SLC25A13: variants seen among roughly 807,000 people sequenced by gnomAD.
The protein encoded by SLC25A13 is solute carrier family 25 member 13, also known as electrogenic aspartate/glutamate antiporter SLC25A13, mitochondrial.
A neutral mutation model predicts 85.5 loss-of-function variants in SLC25A13; 70 were observed. The observed-to-expected ratio is 0.82, with a 90% CI of 0.68 to 1.00. The LOEUF is 1.00. Ranked by LOEUF, SLC25A13 falls within the 50% of genes least tolerant of loss-of-function variation. The probability of loss-of-function intolerance (pLI) is 0.00; values close to 1 mark genes in which losing one functional copy is unlikely to be tolerated. For synonymous variants in SLC25A13, 259 were observed against 288.7 expected (o/e 0.90, Z 1.04); for missense variants, 765 against 819.8 (o/e 0.93, Z 0.82).
At chr7:96,317,032 C>T (rs760757898) in intron 1 of SLC25A13, among the ~76,000 whole-genome samples, 2 of 152,066 alleles carry the variant, frequency 1.3e-5, no homozygotes, top group African/African-American at 2.4e-5. Context: ...TGCAATGGCA[C>T]GACGTCAGCT....
At chr7:96,294,611 A>G (rs1210554356) in intron 2 of SLC25A13, among the ~76,000 whole-genome samples, 1 of 27,190 alleles carries the variant, frequency 3.7e-5, no homozygotes, top group Admixed American at 4.7e-4. Context: ...TCTGTCTCAG[A>G]AAAAAAAAAA....
intron 13 of SLC25A13, among the ~76,000 whole-genome samples, chr7:96,158,461 T>C (rs1000451116): frequency 3.3e-5 from 5 of 152,306 alleles, no homozygotes; most frequent in African/African-American, 9.6e-5. Flanking sequence ...CCTCCTTTAA[T>C]TTGAATTCAC....
chr7:96,186,061 T>C (rs969125448), intron 9 of SLC25A13, among the ~76,000 whole-genome samples: 4 of 152,100 alleles, frequency 2.6e-5, no homozygotes, highest in Non-Finnish European at 4.4e-5. Flanking sequence ...CTTCTGAAAT[T>C]TGCCATTAAA....
intron 3 of SLC25A13, among the ~76,000 whole-genome samples, chr7:96,239,267 C>G (rs973566770): frequency 2.7e-5 from 4 of 149,346 alleles, no homozygotes; most frequent in Non-Finnish European, 1.5e-5. Context: ...TTATTGTTCA[C>G]CAAGATCATT....
At chr7:96,214,426 T>C (rs1444304788) in intron 4 of SLC25A13, among the ~76,000 whole-genome samples, 3 of 152,072 alleles carry the variant, frequency 2.0e-5, no homozygotes, top group African/African-American at 7.2e-5. Context: ...AATCCAAAAA[T>C]GAAATTTAAA....
rs73710268 is a variant in SLC25A13, at chr7:96,277,126, T to G, written c.212+70A>C. ...GGAAGGTATACATTTAATGACTTCC[T>G]GGTCATTAGAGCAAAAGAAAGCTGT... On this transcript the variant is annotated intron_variant, in intron 3 of 17. Coordinates refer to ENST00000265631, the MANE Select transcript of SLC25A13 (RefSeq NM_014251.3). 2.7e-5 allele frequency: 39 copies of G among 1,450,450 alleles called. No individual in the cohort carries two copies. The East Asian group carries it at 9.3e-4, about 34-fold the overall frequency. 89.8% of individuals were successfully genotyped at this position (1,450,450 alleles called of 1,614,324 possible).
At chr7:96,312,651 T>A (rs1314402515) in intron 1 of SLC25A13, among the ~76,000 whole-genome samples, 1 of 152,170 alleles carries the variant, frequency 6.6e-6, no homozygotes, top group Non-Finnish European at 1.5e-5. Flanking sequence ...TCGTCACTTA[T>A]GCCCTTGAAT....
chr7:96,320,003 C>T (rs62472396), intron 1 of SLC25A13, among the ~76,000 whole-genome samples: 97,511 of 149,870 alleles, frequency 0.65, 31,588 homozygotes, highest in Non-Finnish European at 0.67. Flanking sequence ...TATGTTTTGT[C>T]GTTGTTGTTA....
Position 96,302,737 on chromosome 7 carries a change from AC to A in SLC25A13, c.16-5787del, listed in dbSNP as rs571689625. On this transcript the variant is annotated intron_variant, in intron 1 of 17. Coordinates refer to ENST00000265631, the MANE Select transcript of SLC25A13 (RefSeq NM_014251.3). ...CTGACATTTACAATGAAAATAGGCA[AC>A]TCTCTTCAGACCAATGGTTCTCAAA... 2.7e-3 allele frequency among the ~76,000 whole-genome samples: 409 copies of A among 152,264 alleles called. 2 individuals are homozygous for A. Among genetic ancestry groups the A allele is most frequent in the African/African-American group, 9.5e-3 (396 of 41,552 alleles).
chr7:96,157,532 C>T (rs1170167410), intron 13 of SLC25A13, among the ~76,000 whole-genome samples: 1 of 152,050 alleles, frequency 6.6e-6, no homozygotes, highest in Non-Finnish European at 1.5e-5. Context: ...GGCTGGGTGC[C>T]GTGGCTCACA....
intron 14 of SLC25A13, among the ~76,000 whole-genome samples, chr7:96,135,419 T>A (rs1247640552): frequency 6.6e-6 from 1 of 152,186 alleles, no homozygotes; most frequent in South Asian, 2.1e-4. Context: ...TTCCTTTAGG[T>A]CTTAGGCATA....
At chr7:96,192,955 C>T in intron 6 of SLC25A13, 82 bp downstream of exon 6, 3 of 1,455,314 alleles carry the variant, frequency 2.1e-6, no homozygotes, top group Non-Finnish European at 2.9e-6. Flanking sequence ...AGAAAAAAAA[C>T]ACTACATAAC....
chr7:96,288,195 C>T (rs1798964303), intron 2 of SLC25A13, among the ~76,000 whole-genome samples: 1 of 152,156 alleles, frequency 6.6e-6, no homozygotes, highest in African/African-American at 2.4e-5. Context: ...CTTTAGGAGG[C>T]CAAGGCAGGC....
At chr7:96,251,256 G>A (rs1302465590) in intron 3 of SLC25A13, among the ~76,000 whole-genome samples, 1 of 152,140 alleles carries the variant, frequency 6.6e-6, no homozygotes, top group Non-Finnish European at 1.5e-5. Flanking sequence ...AGTAATTAAG[G>A]GAAAGAGCAG....
intron 15 of SLC25A13, among the ~76,000 whole-genome samples, chr7:96,125,449 C>A (rs1037340061): frequency 2.0e-5 from 3 of 152,124 alleles, no homozygotes; most frequent in African/African-American, 7.2e-5. Flanking sequence ...AGCTTTGAGT[C>A]CTTGCATGTG....
At chr7:96,302,735 C>T (rs1047638009) in intron 1 of SLC25A13, among the ~76,000 whole-genome samples, 13 of 152,108 alleles carry the variant, frequency 8.5e-5, no homozygotes, top group Non-Finnish European at 1.6e-4. Context: ...TGAAAATAGG[C>T]AACTCTCTTC....
intron 3 of SLC25A13, among the ~76,000 whole-genome samples, chr7:96,270,334 C>T (rs1798189707): frequency 1.3e-5 from 2 of 152,084 alleles, no homozygotes; most frequent in South Asian, 2.1e-4. Context: ...GGCAGGTGGG[C>T]TGCTTGAGAT....
chr7:96,230,795 A>T lies in SLC25A13; in HGVS notation c.328+4007T>A, dbSNP rs149464253. Among the ~76,000 whole-genome samples the T allele has an allele frequency of 2.1e-3, 319 of 152,328 alleles. 1 individual carries two copies. Among genetic ancestry groups the T allele is most frequent in the African/African-American group, 7.5e-3 (310 of 41,562 alleles). On this transcript the variant is annotated intron_variant, in intron 4 of 17. Coordinates refer to ENST00000265631, the MANE Select transcript of SLC25A13 (RefSeq NM_014251.3). ...CCCCTTCCTTACGCCATATACAAAA[A>T]TAAACTTGAAATGGATTAAAGACTT...
chr7:96,175,634 C>T (rs1329127817), intron 11 of SLC25A13, among the ~76,000 whole-genome samples: 1 of 152,188 alleles, frequency 6.6e-6, no homozygotes, highest in Non-Finnish European at 1.5e-5. Flanking sequence ...TTACCTGGTA[C>T]GCTGCACAAC....
Sources: allele counts gnomAD v4.1 joint callset (sites outside exome capture counted in the v4.1 genomes callset), GRCh38; gene constraint gnomAD v4.1.1; transcripts MANE v1.5; gene names NCBI Gene and HGNC (gene_info 2026-07-23, HGNC 2026-07-21).